VPS13B: variants seen among roughly 807,000 people sequenced by gnomAD.
VPS13B encodes intermembrane lipid transfer protein VPS13B.
In VPS13B, 285 loss-of-function variants were observed where a neutral mutation model predicts 426.4. That is an observed-to-expected ratio of 0.67 (90% CI 0.61 to 0.74). The LOEUF (loss-of-function observed/expected upper bound fraction) is 0.74, where lower values mean the gene tolerates loss of function less well. VPS13B is among the 30% of genes least tolerant of loss of function. The probability of loss-of-function intolerance (pLI) is 0.00; values close to 1 mark genes in which losing one functional copy is unlikely to be tolerated. For synonymous variants in VPS13B, 1,676 were observed against 1,676.4 expected, an observed-to-expected ratio of 1.00 and a Z score of 0.01; for missense variants, 4,537 against 4,782.6, an observed-to-expected ratio of 0.95 and a Z score of 1.51.
chr8:99,627,674 A>G (rs7825783), intron 33 of VPS13B, among the ~76,000 whole-genome samples: 29,147 of 152,134 alleles, frequency 0.19, 3,358 homozygotes, highest in East Asian at 0.45. Flanking sequence ...GTGAGCCACC[A>G]TGCCTGACCT....
chr8:99,575,840 G>T, intron 32 of VPS13B, 56 bp downstream of exon 32: 1 of 1,564,216 alleles, frequency 6.4e-7, no homozygotes, highest in South Asian at 1.1e-5. Context: ...GCTCCTCTTT[G>T]TATGTTAGGG....
chr8:99,498,575 AAAAAG>A (rs1250693018), intron 25 of VPS13B, among the ~76,000 whole-genome samples: 2 of 152,138 alleles, frequency 1.3e-5, no homozygotes, highest in Non-Finnish European at 2.9e-5. Flanking sequence ...TGAAAATAAA[AAAAAG>A]AAAACACATT....
intron 33 of VPS13B, among the ~76,000 whole-genome samples, chr8:99,589,380 A>G (rs941937330): frequency 2.8e-4 from 42 of 150,930 alleles, no homozygotes; most frequent in Admixed American, 5.3e-4. Context: ...AACAGTCCCC[A>G]GTGTGTGATG....
chr8:99,871,818 G>A, intron 61 of VPS13B, 121 bp downstream of exon 61: 1 of 1,551,334 alleles, frequency 6.4e-7, no homozygotes. Flanking sequence ...GGAGACCAAG[G>A]AGAGCTGCTA....
chr8:99,334,128 T>C (rs1810692539), intron 19 of VPS13B, among the ~76,000 whole-genome samples: 1 of 152,100 alleles, frequency 6.6e-6, no homozygotes. Flanking sequence ...TTTAACTTTA[T>C]AAAAAACTAC....
intron 35 of VPS13B, among the ~76,000 whole-genome samples, chr8:99,691,812 G>GACAC (rs1414266438): frequency 5.7e-5 from 8 of 140,350 alleles, no homozygotes; most frequent in Admixed American, 3.0e-4. Flanking sequence ...CACATGCAGA[G>GACAC]ACACACATAG....
chr8:99,323,966 G>A (rs1290679369), intron 19 of VPS13B, among the ~76,000 whole-genome samples: 1 of 152,168 alleles, frequency 6.6e-6, no homozygotes, highest in Non-Finnish European at 1.5e-5. Context: ...CATAAAACTG[G>A]CAAAGGACTC....
chr8:99,366,854 C>G (rs755222102), intron 19 of VPS13B, among the ~76,000 whole-genome samples: 6 of 152,114 alleles, frequency 3.9e-5, no homozygotes, highest in Admixed American at 1.3e-4. Context: ...CTTGCATAAA[C>G]AAGCAATCAA....
At chr8:99,240,161 G>T (rs567783533) in intron 17 of VPS13B, among the ~76,000 whole-genome samples, 5 of 152,260 alleles carry the variant, frequency 3.3e-5, no homozygotes, top group African/African-American at 1.2e-4. Context: ...TTTGTCAACT[G>T]CCAGGTGGAC....
At chr8:99,430,269 A>G (rs1429745943) in intron 21 of VPS13B, among the ~76,000 whole-genome samples, 1 of 152,162 alleles carries the variant, frequency 6.6e-6, no homozygotes, top group Non-Finnish European at 1.5e-5. Flanking sequence ...GAGGGGAAGT[A>G]TGAGTGGATA....
intron 3 of VPS13B, among the ~76,000 whole-genome samples, chr8:99,067,794 G>A (rs1475000754): frequency 3.3e-5 from 5 of 152,100 alleles, no homozygotes; most frequent in Non-Finnish European, 7.4e-5. Flanking sequence ...GGCATCAAAA[G>A]TATTACTGAG....
chr8:99,098,170 A>G (rs911386424), intron 4 of VPS13B, among the ~76,000 whole-genome samples: 3 of 151,908 alleles, frequency 2.0e-5, no homozygotes, highest in Admixed American at 2.0e-4. Flanking sequence ...TTCCCATCTC[A>G]TGCCTACTAT....
At chr8:99,409,540 T>A (rs990215102) in intron 21 of VPS13B, among the ~76,000 whole-genome samples, 12 of 152,160 alleles carry the variant, frequency 7.9e-5, no homozygotes, top group African/African-American at 1.4e-4. Flanking sequence ...GTGGATTTTT[T>A]AAATATTTGC....
intron 30 of VPS13B, among the ~76,000 whole-genome samples, chr8:99,543,817 G>C (rs1420922220): frequency 1.3e-5 from 2 of 151,208 alleles, no homozygotes; most frequent in African/African-American, 4.9e-5. Flanking sequence ...GAAACAACAG[G>C]TGCTGGAGAG....
chr8:99,577,088 T>C (rs1024604437), intron 32 of VPS13B, among the ~76,000 whole-genome samples: 15 of 152,112 alleles, frequency 9.9e-5, no homozygotes, highest in Non-Finnish European at 1.8e-4. Context: ...AGGACTCTAC[T>C]ATCGTACCTA....
At chr8:99,223,386 C>T (rs1815838291) in intron 17 of VPS13B, among the ~76,000 whole-genome samples, 1 of 152,078 alleles carries the variant, frequency 6.6e-6, no homozygotes, top group East Asian at 1.9e-4. Flanking sequence ...ATATGACACA[C>T]TCTTGTACAT....
intron 25 of VPS13B, among the ~76,000 whole-genome samples, chr8:99,487,414 A>G (rs1006946721): frequency 4.6e-5 from 7 of 152,296 alleles, no homozygotes; most frequent in African/African-American, 1.7e-4. Context: ...CCTATCAATT[A>G]ACTTCTTTGG....
intron 35 of VPS13B, 85 bp downstream of exon 35, chr8:99,661,576 C>T: frequency 5.3e-6 from 8 of 1,504,546 alleles, no homozygotes; most frequent in South Asian, 1.2e-5. Flanking sequence ...GTAATCTTGA[C>T]ATTCCGTGCA....
intron 19 of VPS13B, among the ~76,000 whole-genome samples, chr8:99,330,813 T>C (rs1810505302): frequency 6.6e-6 from 1 of 151,792 alleles, no homozygotes; most frequent in Non-Finnish European, 1.5e-5. Context: ...ACTCTCCAAG[T>C]ACCCATGGTA....
Sources: allele counts gnomAD v4.1 joint callset (sites outside exome capture counted in the v4.1 genomes callset), GRCh38; gene constraint gnomAD v4.1.1; transcripts MANE v1.5; gene names NCBI Gene and HGNC (gene_info 2026-07-23, HGNC 2026-07-21).